RIMS2: variants seen among roughly 807,000 people sequenced by gnomAD.
RIMS2 encodes the protein regulating synaptic membrane exocytosis 2.
In RIMS2, 59 loss-of-function variants were observed where a neutral mutation model predicts 174.4. That is an observed-to-expected ratio of 0.34 (90% CI 0.27 to 0.42). RIMS2 has a LOEUF of 0.42. Among genes scored for constraint, RIMS2 ranks in the 10% least tolerant of loss-of-function variants. RIMS2 has a pLI of 1.00. For missense variants in RIMS2, 1,620 were observed against 1,666.3 expected (o/e 0.97, Z 0.48); for synonymous variants, 606 against 572.5 (o/e 1.06, Z -0.84).
At chr8:103,963,650 C>T (rs1417804214) in intron 15 of RIMS2, among the ~76,000 whole-genome samples, 4 of 152,082 alleles carry the variant, frequency 2.6e-5, no homozygotes, top group African/African-American at 7.2e-5. Context: ...CATTATCAAC[C>T]TCCTCCACCA....
At chr8:103,684,745 C>G (rs2096921804) in intron 1 of RIMS2, among the ~76,000 whole-genome samples, 1 of 151,946 alleles carries the variant, frequency 6.6e-6, no homozygotes. Context: ...CACCACCATG[C>G]CTGGCTAATT....
intron 3 of RIMS2, among the ~76,000 whole-genome samples, chr8:103,848,403 G>T (rs2098979200): frequency 6.6e-6 from 1 of 152,000 alleles, no homozygotes; most frequent in Non-Finnish European, 1.5e-5. Flanking sequence ...TAACTTGGTT[G>T]TCCAAGTCAC....
At chr8:103,976,350 A>T (rs954762449) in intron 16 of RIMS2, 3 of 152,156 alleles carry the variant, frequency 2.0e-5, no homozygotes, top group Non-Finnish European at 4.4e-5. Context: ...TTATTGTAAG[A>T]GTTCAAAATA....
intron 16 of RIMS2, among the ~76,000 whole-genome samples, chr8:103,982,899 A>G (rs780982115): frequency 1.2e-4 from 18 of 152,214 alleles, no homozygotes; most frequent in Non-Finnish European, 2.5e-4. Context: ...AGTCCTAACT[A>G]GTGCAATCAG....
chr8:104,150,165 A>G (rs1470609469), intron 19 of RIMS2, among the ~76,000 whole-genome samples: 1 of 152,154 alleles, frequency 6.6e-6, no homozygotes, highest in Non-Finnish European at 1.5e-5. Flanking sequence ...AAAACTTACA[A>G]ACATCTGTCA....
intron 19 of RIMS2, among the ~76,000 whole-genome samples, chr8:104,218,019 T>A (rs981324506): frequency 3.3e-5 from 5 of 152,220 alleles, no homozygotes; most frequent in Non-Finnish European, 7.3e-5. Context: ...ATGTGAGGAA[T>A]TAAGTCACAG....
intron 19 of RIMS2, among the ~76,000 whole-genome samples, chr8:104,164,418 AAT>A (rs1491397211): frequency 8.2e-6 from 1 of 122,040 alleles, no homozygotes; most frequent in East Asian, 3.2e-4. Context: ...TTTCCAAAAA[AAT>A]AAGGACAAAA....
chr8:103,590,446 T>C (rs2094196329), intron 1 of RIMS2, among the ~76,000 whole-genome samples: 1 of 151,310 alleles, frequency 6.6e-6, no homozygotes, highest in African/African-American at 2.4e-5. Context: ...GTTCTTTGCA[T>C]GCTTTCTTCC....
rs1162537226 is a variant in RIMS2 at position 103,815,770 on chromosome 8, G to T, written c.698+49233G>T. Among the ~76,000 whole-genome samples, 4 of 152,168 alleles carry T rather than the reference G, an allele frequency of 2.6e-5. No individual in the cohort carries two copies. In the East Asian group the frequency reaches 5.8e-4, roughly 22 times the overall value. The stretch of plus-strand genomic sequence containing the variant: ...CATGAACATAATTGTTAGAATTCAG[G>T]TACCAGTAATTTGATTCCTTAAATA... On this transcript the variant is annotated intron_variant, in intron 3 of 23. Transcript: ENST00000504942.
intron 19 of RIMS2, among the ~76,000 whole-genome samples, chr8:104,174,233 C>T (rs568492209): frequency 6.6e-5 from 10 of 152,178 alleles, no homozygotes; most frequent in South Asian, 2.1e-4. Flanking sequence ...AGGCGTGAGC[C>T]GCTGCACCCG....
rs202075468 is a variant in RIMS2 at position 103,871,449 on chromosome 8, A to AT, written c.699-13840dup. ...TTGTATAATATAAAAATCTAGTATA[A>AT]TTTTTTTTTGTGGATACAAATGTGT... On this transcript the variant is annotated intron_variant, in intron 3 of 23. Transcript: ENST00000504942. Among the ~76,000 whole-genome samples the AT allele has an allele frequency of 3.7e-3, 561 of 151,534 alleles. 2 individuals are homozygous for AT. The highest frequency in any genetic ancestry group is 0.013 in the African/African-American group (532 of 41,364).
intron 2 of RIMS2, among the ~76,000 whole-genome samples, chr8:103,706,241 A>G (rs2097223222): frequency 6.6e-6 from 1 of 152,080 alleles, no homozygotes; most frequent in Non-Finnish European, 1.5e-5. Context: ...TTGTTATCTC[A>G]CATTTTATCT....
chr8:103,524,070 A>G (rs1832890134), intron 1 of RIMS2, among the ~76,000 whole-genome samples: 1 of 152,196 alleles, frequency 6.6e-6, no homozygotes, highest in South Asian at 2.1e-4. Flanking sequence ...ATATTTTAAT[A>G]AAGATTTATA....
At chr8:103,916,649 A>G (rs1378176686) in intron 8 of RIMS2, 112 bp downstream of exon 11, 13 of 855,406 alleles carry the variant, frequency 1.5e-5, no homozygotes, top group Non-Finnish European at 2.2e-5. Context: ...TATTTTGTAG[A>G]CAATAACTTT....
rs1598407014 is a variant in RIMS2 at position 104,081,037 on chromosome 8, G to A, written c.3334+66422G>A. Among the ~76,000 whole-genome samples the A allele has an allele frequency of 3.3e-5, 5 of 152,040 alleles. No individual in the cohort carries two copies. In the East Asian group the frequency reaches 5.8e-4, roughly 18 times the overall value. ...GTATTTATTATAACATGGGAGGTAG[G>A]AGTAATAAAAACTAACTTACAGTTG... is the stretch of plus-strand genomic sequence containing the variant. On this transcript the variant is annotated intron_variant, in intron 19 of 23. Coordinates refer to ENST00000504942, the Ensembl canonical transcript of RIMS2.
At chr8:103,531,796 G>GA (rs1837294588) in intron 1 of RIMS2, among the ~76,000 whole-genome samples, 1 of 152,052 alleles carries the variant, frequency 6.6e-6, no homozygotes, top group Non-Finnish European at 1.5e-5. Context: ...AAAATTAAGT[G>GA]AAAAAACCAA....
At chr8:103,913,577 T>C (rs2076138354) in intron 6 of RIMS2, among the ~76,000 whole-genome samples, 1 of 152,214 alleles carries the variant, frequency 6.6e-6, no homozygotes, top group South Asian at 2.1e-4. Context: ...AAGAAATACC[T>C]GACTGGGTAA....
At chr8:103,741,600 A>G (rs753063765) in intron 2 of RIMS2, among the ~76,000 whole-genome samples, 36 of 152,096 alleles carry the variant, frequency 2.4e-4, no homozygotes, top group Admixed American at 3.3e-4. Context: ...ACCAAGACTT[A>G]TCAAATGACT....
chr8:103,722,927 A>C (rs7836764), intron 2 of RIMS2, among the ~76,000 whole-genome samples: 17,675 of 152,096 alleles, frequency 0.12, 1,369 homozygotes, highest in Non-Finnish European at 0.17. Context: ...CCTGACCAAC[A>C]TGGAGAAACC....
Sources: gnomAD v4.1 joint callset for allele counts (sites outside exome capture counted in the v4.1 genomes callset) on GRCh38, gnomAD v4.1.1 for gene constraint, MANE v1.5 for transcripts, NCBI Gene and HGNC (gene_info 2026-07-23, HGNC 2026-07-21) for gene names.